HS6ST2: variants seen among roughly 807,000 people sequenced by gnomAD.
HS6ST2 encodes heparan-sulfate 6-O-sulfotransferase 2.
HS6ST2 carries 17 observed loss-of-function variants against 33.0 expected under a neutral mutation model. That is an observed-to-expected ratio of 0.52 (90% CI 0.35 to 0.77). HS6ST2 has a LOEUF of 0.77. HS6ST2 is among the 30% of genes least tolerant of loss of function. The probability of loss-of-function intolerance (pLI) is 0.01; values close to 1 mark genes in which losing one functional copy is unlikely to be tolerated. For synonymous variants in HS6ST2, 248 were observed against 237.1 expected (o/e 1.05, Z -0.42); for missense variants, 519 against 551.7 (o/e 0.94, Z 0.59).
chrX:132,891,976 G>A (rs935427509), intron 2 of HS6ST2, among the ~76,000 whole-genome samples: 8 of 111,586 alleles, frequency 7.2e-5, no homozygotes, highest in African/African-American at 2.6e-4. Context: ...CTTCCACAAT[G>A]GTTGAACTAG....
intron 2 of HS6ST2, among the ~76,000 whole-genome samples, chrX:132,874,707 TGAG>T (rs1418913900): frequency 2.7e-5 from 3 of 112,165 alleles, no homozygotes; most frequent in Non-Finnish European, 5.6e-5. Flanking sequence ...GCAGTAATGA[TGAG>T]AAGTCTCTCA....
Position 132,787,180 on chromosome X carries a change from TATATATAC to T in HS6ST2, c.948-78694_948-78687del, listed in dbSNP as rs1303683329. Among the ~76,000 whole-genome samples, 370 of 81,550 alleles carry T rather than the reference TATATATAC, an allele frequency of 4.5e-3. 10 individuals are homozygous for T. Among genetic ancestry groups the T allele is most frequent in the African/African-American group, 0.016 (301 of 18,635 alleles). 70.8% of individuals were successfully genotyped at this position (81,550 alleles called of 115,157 possible). A position where few individuals can be genotyped will look rare whatever the true frequency, so the allele number is the denominator to read the frequency against. On this transcript the variant is annotated intron_variant, in intron 2 of 4. Coordinates refer to ENST00000370833, the MANE Select transcript of HS6ST2 (RefSeq NM_001394073.1). ...GTATATATATATGTATATATATATA[TATATATAC>T]ATATATATATACACATATATATATA...
chrX:132,923,567 T>G (rs1249259155), intron 2 of HS6ST2, among the ~76,000 whole-genome samples: 1 of 112,161 alleles, frequency 8.9e-6, no homozygotes, highest in East Asian at 2.8e-4. Flanking sequence ...ATATTTATAT[T>G]TACAAAACCA....
chrX:132,679,113 A>C (rs939941883), intron 3 of HS6ST2, among the ~76,000 whole-genome samples: 25 of 112,421 alleles, frequency 2.2e-4, no homozygotes, highest in African/African-American at 8.1e-4. Context: ...AGCATATAGC[A>C]GACAGGGCCA....
chrX:132,689,794 G>A (rs12010277), intron 3 of HS6ST2, among the ~76,000 whole-genome samples: 5,075 of 111,962 alleles, frequency 0.045, 266 homozygotes, highest in African/African-American at 0.16. Flanking sequence ...TGTACAAACC[G>A]CAGCCTGCAG....
intron 2 of HS6ST2, among the ~76,000 whole-genome samples, chrX:132,855,746 C>T (rs1349025944): frequency 8.9e-6 from 1 of 111,954 alleles, no homozygotes; most frequent in East Asian, 2.8e-4. Context: ...CTTGGGACCA[C>T]CTCAGTTGCC....
intron 2 of HS6ST2, among the ~76,000 whole-genome samples, chrX:132,863,935 C>T (rs1034759436): frequency 6.3e-5 from 7 of 111,535 alleles, no homozygotes; most frequent in African/African-American, 9.8e-5. Flanking sequence ...CTGCAGCCTC[C>T]GCTGATGATA....
rs778875751 is a variant in HS6ST2 at position 132,677,861 on chromosome X, T to C, written c.981-8662A>G. ...GAGCTGAGGTCATATTCTGTCTTTA[T>C]AGCTAGAACTTGAACAAGTTGGGTC... On this transcript the variant is annotated intron_variant, in intron 3 of 4. Transcript: ENST00000370833. Among the ~76,000 whole-genome samples, 3 of 111,995 alleles carry C rather than the reference T, an allele frequency of 2.7e-5. No individual in the cohort carries two copies. The South Asian group carries it at 1.1e-3, about 42-fold the overall frequency.
intron 2 of HS6ST2, among the ~76,000 whole-genome samples, chrX:132,850,488 C>T (rs750744171): frequency 6.3e-5 from 7 of 111,255 alleles, no homozygotes; most frequent in African/African-American, 2.0e-4. Flanking sequence ...TTGCAAATCT[C>T]AATTTCTTCT....
intron 2 of HS6ST2, among the ~76,000 whole-genome samples, chrX:132,816,751 G>A (rs1443705955): frequency 1.8e-5 from 2 of 111,163 alleles, no homozygotes; most frequent in Admixed American, 1.9e-4. Context: ...CAACTCCAAA[G>A]ACAGCAACTT....
chrX:132,763,873 A>G (rs1326873888), intron 2 of HS6ST2, among the ~76,000 whole-genome samples: 3 of 112,780 alleles, frequency 2.7e-5, no homozygotes, highest in Non-Finnish European at 5.6e-5. Context: ...GATTTCAATC[A>G]CAGAGAATAT....
At chrX:132,896,195 G>C (rs1435025328) in intron 2 of HS6ST2, among the ~76,000 whole-genome samples, 1 of 111,134 alleles carries the variant, frequency 9.0e-6, no homozygotes, top group Non-Finnish European at 1.9e-5. Context: ...AATGAGCCGG[G>C]AGTGTTGGCT....
chrX:132,705,567 G>A (rs758477936), intron 3 of HS6ST2, among the ~76,000 whole-genome samples: 1 of 111,877 alleles, frequency 8.9e-6, no homozygotes, highest in East Asian at 2.8e-4. Context: ...CACCATTATC[G>A]ACTGTTTACT....
intron 3 of HS6ST2, among the ~76,000 whole-genome samples, chrX:132,689,146 G>A (rs141441860): frequency 9.0e-6 from 1 of 111,611 alleles, no homozygotes; most frequent in Non-Finnish European, 1.9e-5. Context: ...TGCACAGATC[G>A]AGAGAGAAGG....
intron 2 of HS6ST2, among the ~76,000 whole-genome samples, chrX:132,764,691 A>G (rs1201938241): frequency 9.0e-6 from 1 of 111,654 alleles, no homozygotes; most frequent in Non-Finnish European, 1.9e-5. Flanking sequence ...GGCCAAGCTC[A>G]ATCTTCCCTA....
intron 2 of HS6ST2, among the ~76,000 whole-genome samples, chrX:132,918,877 T>G (rs1338760170): frequency 8.9e-6 from 1 of 112,346 alleles, no homozygotes; most frequent in Non-Finnish European, 1.9e-5. Context: ...CACTTCTTTA[T>G]GCTCAGTCCT....
chrX:132,868,064 G>A (rs1246067257), intron 2 of HS6ST2, among the ~76,000 whole-genome samples: 1 of 111,760 alleles, frequency 8.9e-6, no homozygotes, highest in Non-Finnish European at 1.9e-5. Context: ...GACACAAATA[G>A]GCTCAAAATA....
At chrX:132,844,927 T>G (rs2065737834) in intron 2 of HS6ST2, among the ~76,000 whole-genome samples, 1 of 109,719 alleles carries the variant, frequency 9.1e-6, no homozygotes, top group Admixed American at 9.8e-5. Flanking sequence ...GAATAAAGTT[T>G]CCAACTTTAT....
rs187582038 is a variant in HS6ST2 at position 132,706,021 on chromosome X, C to G, written c.980+2441G>C. ...TTGAAACTATATGATTCCCAAACAACCAGTTATCATTCAAACTTACTATAA... is the reference window on the plus strand; with the variant it reads ...TTGAAACTATATGATTCCCAAACAAGCAGTTATCATTCAAACTTACTATAA... On this transcript the variant is annotated intron_variant, in intron 3 of 4. Coordinates refer to ENST00000370833, the MANE Select transcript of HS6ST2 (RefSeq NM_001394073.1). 6.8e-3 allele frequency among the ~76,000 whole-genome samples: 758 copies of G among 110,660 alleles called. 4 individuals carry two copies. The highest frequency in any genetic ancestry group is 0.012 in the Non-Finnish European group (618 of 52,870).
Sources: allele counts gnomAD v4.1 joint callset (sites outside exome capture counted in the v4.1 genomes callset), GRCh38; gene constraint gnomAD v4.1.1; transcripts MANE v1.5; gene names NCBI Gene and HGNC (gene_info 2026-07-23, HGNC 2026-07-21).